Variants in FAM91A1 observed in about 807,000 individuals in gnomAD.
The protein encoded by FAM91A1 is protein FAM91A1.
Under a neutral mutation model 113.5 loss-of-function variants are expected in FAM91A1, and 41 were observed. The observed-to-expected ratio is 0.36, with a 90% CI of 0.28 to 0.47. FAM91A1 has a LOEUF of 0.47. Ranked by LOEUF, FAM91A1 falls within the 20% of genes least tolerant of loss-of-function variation. FAM91A1 has a pLI of 1.00. For synonymous variants in FAM91A1, 307 were observed against 347.9 expected (o/e 0.88, Z 1.31); for missense variants, 696 against 1,001.2 (o/e 0.70, Z 4.11).
chr8:123,768,578 G>A lies in FAM91A1; in HGVS notation c.-125G>A. The A allele has an allele frequency of 1.3e-6, 1 of 784,210 alleles. No homozygotes were observed. The allele number at this position is 784,210 out of a possible 1,614,324, so 48.6% of individuals were successfully genotyped here. On this transcript the variant is annotated 5_prime_UTR_variant, in exon 1 of 24. Transcript: ENST00000334705. ...GGAGCCTAGGCCATGGGGCAGCCTG[G>A]GCCTTCTGCAGTGTGAGGCGCGGGG...
In FAM91A1 at chr8:123,812,675, C is replaced by T; in HGVS notation, c.2488C>T (p.Leu830Phe). 3 of 1,589,078 alleles carry T rather than the reference C, an allele frequency of 1.9e-6. No individual in the cohort carries two copies. Among genetic ancestry groups the T allele is most frequent in the Non-Finnish European group, 2.6e-6 (3 of 1,171,642 alleles). ...SEWSGRSPSS[L>F]LIANLHLQ ...ATGGAGTGGACGGTCACCTTCCTCA[C>T]TTCTTATTGCTAATCTCCATTTGCA... is the stretch of plus-strand genomic sequence containing the variant. Residue 830 changes from leucine to phenylalanine, a missense_variant, in exon 24 of 24, where the codon CTT becomes TTT. Coordinates refer to ENST00000334705, the MANE Select transcript of FAM91A1 (RefSeq NM_144963.4).
At chr8:123,806,380 C>A in intron 20 of FAM91A1, 151 bp downstream of exon 20, 2 of 919,544 alleles carry the variant, frequency 2.2e-6, no homozygotes, top group Non-Finnish European at 3.2e-6. Context: ...TATTTTGGAA[C>A]ATCATTTGGA....
chr8:123,785,554 C>G (rs534296048), intron 10 of FAM91A1, 75 bp from the exon 11 acceptor site: 11 of 999,470 alleles, frequency 1.1e-5, no homozygotes, highest in East Asian at 1.0e-4. Flanking sequence ...GTCTATTACA[C>G]TATTTTTTCT....
intron 6 of FAM91A1, 126 bp downstream of exon 6, chr8:123,778,898 A>T: frequency 1.6e-6 from 1 of 638,378 alleles, no homozygotes; most frequent in Non-Finnish European, 2.5e-6. Flanking sequence ...CTTAAATTTA[A>T]AATTTAAAAT....
chr8:123,781,985 A>G (rs1344626644), intron 8 of FAM91A1, among the ~76,000 whole-genome samples: 2 of 152,240 alleles, frequency 1.3e-5, no homozygotes, highest in Admixed American at 6.5e-5. Flanking sequence ...GCCTACTGTC[A>G]TCAGATAAGC....
At chr8:123,774,797 A>G (rs1431216315) in intron 2 of FAM91A1, among the ~76,000 whole-genome samples, 1 of 152,178 alleles carries the variant, frequency 6.6e-6, no homozygotes, top group Non-Finnish European at 1.5e-5. Flanking sequence ...AATAGACTTG[A>G]CTTCATTGAA....
chr8:123,785,812 A>AATTT (rs971904598), intron 11 of FAM91A1, 71 bp downstream of exon 11: 27 of 817,416 alleles, frequency 3.3e-5, no homozygotes, highest in South Asian at 1.9e-4. Context: ...TACATACATA[A>AATTT]ATTTATTTAT....
rs370014607 is a variant in FAM91A1, at chr8:123,789,601, C to T, written c.1279-12C>T. On this transcript the variant is annotated splice_polypyrimidine_tract_variant and intron_variant, in intron 14 of 23. Coordinates refer to ENST00000334705, the MANE Select transcript of FAM91A1 (RefSeq NM_144963.4). The stretch of plus-strand genomic sequence containing the variant: ...GTATTTTTGTTGCAAAATCTATTTT[C>T]TCTTGGTTTAGGTTCAGAGCACTGG... 1 of 1,611,074 alleles carries T rather than the reference C, an allele frequency of 6.2e-7. No homozygotes were observed. The highest frequency in any genetic ancestry group is 1.3e-5 in the African/African-American group (1 of 74,886).
In FAM91A1 at chr8:123,768,672, GGCCCCGGCC is replaced by G; in HGVS notation, c.-27_-19del. 2 of 1,482,712 alleles carry G rather than the reference GGCCCCGGCC, an allele frequency of 1.3e-6. No homozygotes were observed. Among genetic ancestry groups the G allele is most frequent in the East Asian group, 2.8e-5 (1 of 36,216 alleles). The allele number at this position is 1,482,712 out of a possible 1,614,324, so 91.8% of individuals were successfully genotyped here. A position where few individuals can be genotyped will look rare whatever the true frequency, so the allele number is the denominator to read the frequency against. On this transcript the variant is annotated 5_prime_UTR_variant, in exon 1 of 24. Transcript: ENST00000334705. ...GAGGCGTAGTGTGGGTCGCGGTGGC[GGCCCCGGCC>G]GCCGGCCCTGGCCGCGGCATCATGA...
intron 15 of FAM91A1, among the ~76,000 whole-genome samples, chr8:123,797,867 T>C (rs1815569057): frequency 6.6e-6 from 1 of 151,952 alleles, no homozygotes; most frequent in Admixed American, 6.6e-5. Flanking sequence ...AAAAGTAACC[T>C]GAAGTAGATG....
chr8:123,768,694 C>A lies in FAM91A1; in HGVS notation c.-9C>A. 6.3e-7 allele frequency: 1 copy of A among 1,592,102 alleles called. No individual in the cohort carries two copies. Among genetic ancestry groups the A allele is most frequent in the African/African-American group, 1.4e-5 (1 of 73,854 alleles). ...GGCGGCCCCGGCCGCCGGCCCTGGC[C>A]GCGGCATCATGAACATAGACGTGGA... On this transcript the variant is annotated 5_prime_UTR_variant, in exon 1 of 24. Coordinates refer to ENST00000334705, the MANE Select transcript of FAM91A1 (RefSeq NM_144963.4).
chr8:123,774,982 A>G (rs577451908), intron 2 of FAM91A1, among the ~76,000 whole-genome samples, 165 bp from the exon 3 acceptor site: 16 of 152,242 alleles, frequency 1.1e-4, no homozygotes, highest in African/African-American at 2.9e-4. Context: ...TCTAAAATCT[A>G]TTTCATGTGA....
chr8:123,778,080 T>G lies in FAM91A1; in HGVS notation c.423T>G (p.Cys141Trp). The change falls in exon 5 of 24, where the codon TGT becomes TGG. Residue 141 changes from cysteine (C) to tryptophan (W), a missense_variant. Cys to Trp is a radical substitution (Grantham distance 215). Transcript: ENST00000334705. ...AGTATATTGATCTTATGAATCAGTGTAGATCATCAAAAGTAAGTTAGTACT... is the reference window on the plus strand; with the variant it reads ...AGTATATTGATCTTATGAATCAGTGGAGATCATCAAAAGTAAGTTAGTACT... The part of the protein sequence containing the change: ...RNQYIDLMNQ[C>W]RSSKKFFRRK... The G allele has an allele frequency of 6.2e-7, 1 of 1,611,886 alleles. No homozygotes were observed. The highest frequency in any genetic ancestry group is 8.5e-7 in the Non-Finnish European group (1 of 1,178,714).
chr8:123,780,248 C>A (rs1442290381), intron 7 of FAM91A1, among the ~76,000 whole-genome samples, 173 bp downstream of exon 7: 1 of 152,152 alleles, frequency 6.6e-6, no homozygotes, highest in Non-Finnish European at 1.5e-5. Context: ...TAATTAGTCA[C>A]ATACACTAGA....
At chr8:123,788,199 A>C in intron 14 of FAM91A1, 1 of 985,262 alleles carries the variant, frequency 1.0e-6, no homozygotes, top group Non-Finnish European at 1.2e-6. Context: ...TATCCCTTTT[A>C]GCATCTTGAA....
At chr8:123,782,190 G>T (rs72715032) in intron 8 of FAM91A1, among the ~76,000 whole-genome samples, 2,552 of 152,292 alleles carry the variant, frequency 0.017, 37 homozygotes, top group Middle Eastern at 0.024. Context: ...CCATTACATT[G>T]ATGTGTTCTA....
In FAM91A1 at chr8:123,812,962, A is replaced by G. The variant is rs982171787; in HGVS notation, c.*258A>G. On this transcript the variant is annotated 3_prime_UTR_variant, in exon 24 of 24. Transcript: ENST00000334705. Reference sequence around the variant, plus strand: ...CTGCATTTCTTTTATAAAACTAAGTATATACTTTATAGGCTTTATGATGAC... The same window carrying G: ...CTGCATTTCTTTTATAAAACTAAGTGTATACTTTATAGGCTTTATGATGAC... The G allele has an allele frequency of 4.3e-5, 13 of 303,866 alleles. No individual in the cohort carries two copies. The highest frequency in any genetic ancestry group is 1.3e-4 in the African/African-American group (6 of 46,254). The allele number at this position is 303,866 out of a possible 1,614,324, so 18.8% of individuals were successfully genotyped here.
intron 14 of FAM91A1, among the ~76,000 whole-genome samples, chr8:123,788,553 T>C (rs911948337): frequency 6.6e-6 from 1 of 152,180 alleles, no homozygotes; most frequent in African/African-American, 2.4e-5. Context: ...GAAATATGTG[T>C]GAGATAATCC....
chr8:123,789,860 A>T, intron 15 of FAM91A1, 115 bp downstream of exon 15: 2 of 1,240,364 alleles, frequency 1.6e-6, no homozygotes, highest in South Asian at 3.3e-5. Context: ...TGTAGATAGC[A>T]TATTGAATTT....
Sources: allele counts gnomAD v4.1 joint callset (sites outside exome capture counted in the v4.1 genomes callset), GRCh38; gene constraint gnomAD v4.1.1; transcripts MANE v1.5; gene names NCBI Gene and HGNC (gene_info 2026-07-23, HGNC 2026-07-21).